Variants in KCTD16 observed in about 807,000 individuals in gnomAD.
KCTD16 encodes BTB/POZ domain-containing protein KCTD16.
KCTD16 carries 13 observed loss-of-function variants against 33.2 expected under a neutral mutation model. The observed-to-expected ratio is 0.39, with a 90% confidence interval of 0.25 to 0.62. KCTD16 has a LOEUF of 0.62. Among genes scored for constraint, KCTD16 ranks in the 20% least tolerant of loss-of-function variants. The pLI, the probability that KCTD16 is intolerant of heterozygous loss-of-function variation, is 0.50. For missense variants in KCTD16, 441 were observed against 525.1 expected, an observed-to-expected ratio of 0.84 and a Z score of 1.57; for synonymous variants, 197 against 195.3, an observed-to-expected ratio of 1.01 and a Z score of -0.07.
At chr5:144,392,065 C>G (rs373972589) in intron 3 of KCTD16, among the ~76,000 whole-genome samples, 1 of 152,044 alleles carries the variant, frequency 6.6e-6, no homozygotes, top group Non-Finnish European at 1.5e-5. Flanking sequence ...TAAAATTAAA[C>G]GTATGTTTTA....
rs1381212587 is a variant in KCTD16 at position 144,478,978 on chromosome 5, C to T, written c.*4864C>T. The T allele has an allele frequency of 6.6e-6, 1 of 151,888 alleles. No individual in the cohort carries two copies. The highest frequency in any genetic ancestry group is 2.4e-5 in the African/African-American group (1 of 41,402). The allele number at this position is 151,888 out of a possible 1,614,324, so 9.4% of individuals were successfully genotyped here. A position where few individuals can be genotyped will look rare whatever the true frequency, so the allele number is the denominator to read the frequency against. On this transcript the variant is annotated 3_prime_UTR_variant, in exon 4 of 4. Transcript: ENST00000512467. ...AAAGCCTGCATTATTATAGTCTTAG[C>T]TCTGGGTAGATGGGAGCATATCTCT...
intron 3 of KCTD16, among the ~76,000 whole-genome samples, chr5:144,214,977 C>G (rs1290114711): frequency 6.6e-6 from 1 of 152,050 alleles, no homozygotes; most frequent in East Asian, 1.9e-4. Context: ...CTGCAATATT[C>G]TGTTTTGGTC....
intron 2 of KCTD16, among the ~76,000 whole-genome samples, chr5:144,200,049 G>A (rs981904025): frequency 3.3e-5 from 5 of 151,790 alleles, no homozygotes; most frequent in South Asian, 4.2e-4. Flanking sequence ...GTATACTTGC[G>A]TACACACTCA....
At position 144,376,080 on chromosome 5, in the gene KCTD16, C is replaced by T. The variant is rs563807113; in HGVS notation, c.833-97580C>T. On this transcript the variant is annotated intron_variant, in intron 3 of 3. Coordinates refer to ENST00000512467, the MANE Select transcript of KCTD16 (RefSeq NM_020768.4). ...GCTCAAGTGATTGGTCCGCCTCGACCTCCCAAAGTGCAAACTTTTTTTTCT... is the reference window on the plus strand; with the variant it reads ...GCTCAAGTGATTGGTCCGCCTCGACTTCCCAAAGTGCAAACTTTTTTTTCT... Among the ~76,000 whole-genome samples the T allele has an allele frequency of 1.3e-4, 20 of 152,242 alleles. No individual in the cohort carries two copies. The South Asian group carries it at 4.1e-3, about 32-fold the overall frequency.
chr5:144,262,929 C>G (rs1755051440), intron 3 of KCTD16, among the ~76,000 whole-genome samples: 1 of 152,154 alleles, frequency 6.6e-6, no homozygotes. Flanking sequence ...TAATTCAGAG[C>G]CAGGTCCAGA....
rs991399088 is a variant in KCTD16 at position 144,345,582 on chromosome 5, A to G, written c.833-128078A>G. Reference sequence around the variant, plus strand: ...TTCACTCAGAAGATATTTACCGAGTACCTATCTATGCCATGCACTCTCTTA... The same window carrying G: ...TTCACTCAGAAGATATTTACCGAGTGCCTATCTATGCCATGCACTCTCTTA... On this transcript the variant is annotated intron_variant, in intron 3 of 3. Coordinates refer to ENST00000512467, the MANE Select transcript of KCTD16 (RefSeq NM_020768.4). Among the ~76,000 whole-genome samples, 5 of 152,190 alleles carry G rather than the reference A, an allele frequency of 3.3e-5. No individual in the cohort carries two copies. In the East Asian group the frequency reaches 7.7e-4, roughly 23 times the overall value.
At chr5:144,403,773 G>A (rs148085344) in intron 3 of KCTD16, among the ~76,000 whole-genome samples, 99 of 152,306 alleles carry the variant, frequency 6.5e-4, no homozygotes, top group African/African-American at 2.4e-3. Context: ...CCACACATAG[G>A]CAGTGCTCTT....
chr5:144,393,818 C>T (rs1752504176), intron 3 of KCTD16, among the ~76,000 whole-genome samples: 1 of 152,138 alleles, frequency 6.6e-6, no homozygotes, highest in African/African-American at 2.4e-5. Context: ...TTTCATTTCA[C>T]ATTGATTTTC....
intron 3 of KCTD16, among the ~76,000 whole-genome samples, chr5:144,312,210 G>A (rs1191721095): frequency 1.3e-5 from 2 of 152,170 alleles, no homozygotes; most frequent in African/African-American, 4.8e-5. Flanking sequence ...GACATGGGTA[G>A]GAACTGGAGA....
chr5:144,197,309 T>C (rs886781811), intron 2 of KCTD16, among the ~76,000 whole-genome samples: 1 of 152,188 alleles, frequency 6.6e-6, no homozygotes, highest in African/African-American at 2.4e-5. Flanking sequence ...ATATTACTTA[T>C]CCTTTTGGAT....
At chr5:144,473,516 C>G in intron 3 of KCTD16, 144 bp from the exon 4 acceptor site, 1 of 790,590 alleles carries the variant, frequency 1.3e-6, no homozygotes, top group Non-Finnish European at 2.0e-6. Context: ...TTGCAGCCCA[C>G]CCTGGGTGCC....
intron 3 of KCTD16, among the ~76,000 whole-genome samples, chr5:144,454,800 T>C (rs1276061258): frequency 1.3e-5 from 2 of 152,056 alleles, no homozygotes; most frequent in Admixed American, 1.3e-4. Flanking sequence ...TTGGAGAAAT[T>C]TAGACCTGTA....
At chr5:144,412,130 A>G (rs1032263248) in intron 3 of KCTD16, among the ~76,000 whole-genome samples, 5 of 152,208 alleles carry the variant, frequency 3.3e-5, no homozygotes, top group African/African-American at 1.2e-4. Context: ...TCAAAAAACT[A>G]AAAATAGGAC....
chr5:144,192,684 T>G (rs1201610906), intron 2 of KCTD16, among the ~76,000 whole-genome samples: 2 of 152,192 alleles, frequency 1.3e-5, no homozygotes. Context: ...GAGCTGTGAA[T>G]GCTGGTCCTT....
intron 3 of KCTD16, among the ~76,000 whole-genome samples, chr5:144,328,727 C>A (rs1041247222): frequency 6.6e-6 from 1 of 152,046 alleles, no homozygotes; most frequent in African/African-American, 2.4e-5. Context: ...CAGCTACACC[C>A]TGCTACTCAT....
At chr5:144,239,662 G>A (rs1754348069) in intron 3 of KCTD16, among the ~76,000 whole-genome samples, 1 of 152,022 alleles carries the variant, frequency 6.6e-6, no homozygotes, top group South Asian at 2.1e-4. Context: ...TTTGTGCTCA[G>A]CATTAAGGAA....
intron 3 of KCTD16, among the ~76,000 whole-genome samples, chr5:144,441,617 GA>G (rs1204140975): frequency 6.6e-6 from 1 of 152,020 alleles, no homozygotes; most frequent in Non-Finnish European, 1.5e-5. Context: ...ATCGTACTGA[GA>G]ATCAGTGACT....
intron 3 of KCTD16, among the ~76,000 whole-genome samples, chr5:144,292,896 G>A (rs567983517): frequency 2.0e-5 from 3 of 152,238 alleles, no homozygotes; most frequent in Admixed American, 6.5e-5. Flanking sequence ...GAAGAGAGTT[G>A]GGCTGCCCAG....
At chr5:144,422,950 A>T (rs1042982311) in intron 3 of KCTD16, among the ~76,000 whole-genome samples, 1 of 152,158 alleles carries the variant, frequency 6.6e-6, no homozygotes, top group Admixed American at 6.6e-5. Flanking sequence ...CCTTTATCTT[A>T]TAAGCTCACA....
Sources: gnomAD v4.1 joint callset for allele counts (sites outside exome capture counted in the v4.1 genomes callset) on GRCh38, gnomAD v4.1.1 for gene constraint, MANE v1.5 for transcripts, NCBI Gene and HGNC (gene_info 2026-07-23, HGNC 2026-07-21) for gene names.